The following SIPA1L1 variants were observed in gnomAD, a reference collection of about 807,000 sequenced individuals.
SIPA1L1 encodes signal induced proliferation associated 1 like 1, also known as signal-induced proliferation-associated 1-like protein 1.
In SIPA1L1, 26 loss-of-function variants were observed where a neutral mutation model predicts 162.7. The ratio of observed to expected loss-of-function variants is 0.16; its 90% CI spans 0.12 to 0.22. The LOEUF (loss-of-function observed/expected upper bound fraction) is 0.22, where lower values mean the gene tolerates loss of function less well. Among genes scored for constraint, SIPA1L1 ranks in the 10% least tolerant of loss-of-function variants. The probability of loss-of-function intolerance (pLI) is 1.00; values close to 1 mark genes in which losing one functional copy is unlikely to be tolerated. For synonymous variants in SIPA1L1, 829 were observed against 837.4 expected, an observed-to-expected ratio of 0.99 and a Z score of 0.17; for missense variants, 1,874 against 2,241.0, an observed-to-expected ratio of 0.84 and a Z score of 3.31.
chr14:71,582,167 C>G (rs1487753023), intron 4 of SIPA1L1, among the ~76,000 whole-genome samples: 1 of 151,990 alleles, frequency 6.6e-6, no homozygotes, highest in Non-Finnish European at 1.5e-5. Context: ...TACCCTGTTT[C>G]TACAAAAAAT....
chr14:71,495,478 C>T (rs1317992748), intron 2 of SIPA1L1, among the ~76,000 whole-genome samples: 1 of 150,726 alleles, frequency 6.6e-6, no homozygotes, highest in Non-Finnish European at 1.5e-5. Flanking sequence ...AGTGATGCTC[C>T]CTCATTTATT....
At chr14:71,577,340 C>T (rs887840038) in intron 4 of SIPA1L1, among the ~76,000 whole-genome samples, 1 of 151,710 alleles carries the variant, frequency 6.6e-6, no homozygotes, top group Admixed American at 6.6e-5. Flanking sequence ...TAACCACTAG[C>T]CCAGTATTGA....
intron 2 of SIPA1L1, among the ~76,000 whole-genome samples, chr14:71,496,905 C>T (rs978434004): frequency 6.6e-6 from 1 of 151,832 alleles, no homozygotes; most frequent in African/African-American, 2.4e-5. Flanking sequence ...GGCGCGGTGG[C>T]TCACGCCTGT....
chr14:71,491,890 A>G (rs2049313586), intron 2 of SIPA1L1, among the ~76,000 whole-genome samples: 1 of 151,206 alleles, frequency 6.6e-6, no homozygotes, highest in African/African-American at 2.4e-5. Context: ...GAAGAGAATT[A>G]TGAGAATTTA....
chr14:71,365,323 T>G (rs1050567916), intron 2 of SIPA1L1, among the ~76,000 whole-genome samples: 9 of 152,192 alleles, frequency 5.9e-5, no homozygotes, highest in Admixed American at 5.9e-4. Flanking sequence ...CTGCTGGGCC[T>G]AGAACATCTT....
At chr14:71,430,476 G>A (rs1226993330) in intron 2 of SIPA1L1, among the ~76,000 whole-genome samples, 2 of 152,078 alleles carry the variant, frequency 1.3e-5, no homozygotes, top group African/African-American at 2.4e-5. Context: ...AGTATTCTGA[G>A]CCTCACTCTA....
intron 4 of SIPA1L1, among the ~76,000 whole-genome samples, chr14:71,575,773 G>T (rs1362686803): frequency 6.6e-6 from 1 of 152,088 alleles, no homozygotes; most frequent in Non-Finnish European, 1.5e-5. Flanking sequence ...TAATAGATTT[G>T]CTCCTTTTTA....
chr14:71,585,344 T>A (rs894036082), intron 4 of SIPA1L1, among the ~76,000 whole-genome samples: 1 of 152,174 alleles, frequency 6.6e-6, no homozygotes, highest in African/African-American at 2.4e-5. Context: ...AAGAAAACAT[T>A]GAGTCGTTGT....
intron 9 of SIPA1L1, 103 bp from the exon 10 acceptor site, chr14:71,661,206 AC>A: frequency 5.1e-6 from 6 of 1,174,950 alleles, no homozygotes; most frequent in Admixed American, 2.2e-5. Flanking sequence ...CTTCATGTGT[AC>A]TGATTAGGAA....
chr14:71,648,750 T>C (rs1044037322), intron 7 of SIPA1L1, among the ~76,000 whole-genome samples: 2 of 152,256 alleles, frequency 1.3e-5, no homozygotes, highest in African/African-American at 2.4e-5. Flanking sequence ...TAAATTTGCT[T>C]TCTACCTTTC....
chr14:71,709,623 G>T lies in SIPA1L1; in HGVS notation c.4167G>T (p.Glu1389Asp), dbSNP rs137955494. ...SQAGSTPLTR[E>D]NSTFSINDAA... ...CCGGCTCGACCCCTCTGACAAGGGA[G>T]AACAGCACCTTCAGTATAAACGATG... The change falls in exon 17 of 24, where the codon GAG becomes GAT. Residue 1389 changes from glutamate to aspartate, a missense_variant. Physicochemically the swap from Glu to Asp is conservative, Grantham distance 45. Coordinates refer to ENST00000381232, the MANE Select transcript of SIPA1L1 (RefSeq NM_001386936.1). The T allele has an allele frequency of 8.4e-5, 136 of 1,614,154 alleles. No homozygotes were observed. The African/African-American group carries it at 1.6e-3, about 19-fold the overall frequency.
At chr14:71,585,586 G>C (rs2147460581) in intron 4 of SIPA1L1, among the ~76,000 whole-genome samples, 1 of 152,306 alleles carries the variant, frequency 6.6e-6, no homozygotes, top group South Asian at 2.1e-4. Flanking sequence ...TCCTGGGAAA[G>C]ACAGCTGTGC....
At chr14:71,470,973 G>A (rs1217539058) in intron 2 of SIPA1L1, among the ~76,000 whole-genome samples, 1 of 152,046 alleles carries the variant, frequency 6.6e-6, no homozygotes, top group Admixed American at 6.5e-5. Context: ...GAGTAGCTGG[G>A]ACTACAGGCA....
At chr14:71,495,031 CAG>C (rs1263132817) in intron 2 of SIPA1L1, among the ~76,000 whole-genome samples, 1 of 152,198 alleles carries the variant, frequency 6.6e-6, no homozygotes, top group Non-Finnish European at 1.5e-5. Context: ...TGCACCCAGA[CAG>C]AGGATTTTTT....
rs979753691 is a variant in SIPA1L1, at chr14:71,449,059, C to T, written c.-464-63684C>T. The T allele has an allele frequency of 3.9e-5, 6 of 152,318 alleles. No individual in the cohort carries two copies. In the South Asian group the frequency reaches 1.2e-3, roughly 32 times the overall value. The allele number at this position is 152,318 out of a possible 1,614,324, so 9.4% of individuals were successfully genotyped here. On this transcript the variant is annotated intron_variant, in intron 2 of 23. Transcript: ENST00000381232. ...TTAGGCCTGGAGAATAAAGTCATTA[C>T]TATGAGAGACAGGTGTTTGCTCTTT...
At chr14:71,508,133 C>CTT (rs914413689) in intron 2 of SIPA1L1, among the ~76,000 whole-genome samples, 2 of 152,176 alleles carry the variant, frequency 1.3e-5, no homozygotes, top group African/African-American at 4.8e-5. Context: ...GGCCTCAAAG[C>CTT]TATCAGATCT....
intron 3 of SIPA1L1, among the ~76,000 whole-genome samples, chr14:71,513,889 A>G (rs1268676825): frequency 1.3e-5 from 2 of 152,186 alleles, no homozygotes; most frequent in African/African-American, 4.8e-5. Context: ...ACTCGCAGAT[A>G]GATGTTGATG....
intron 2 of SIPA1L1, among the ~76,000 whole-genome samples, chr14:71,508,076 T>C (rs1337710795): frequency 6.6e-6 from 1 of 152,212 alleles, no homozygotes; most frequent in Non-Finnish European, 1.5e-5. Flanking sequence ...GAATGCCTGT[T>C]TCATGCTGGC....
intron 20 of SIPA1L1, among the ~76,000 whole-genome samples, chr14:71,731,813 C>T (rs1358826775): frequency 1.3e-5 from 2 of 152,202 alleles, no homozygotes; most frequent in African/African-American, 4.8e-5. Context: ...TGAGCCCCTT[C>T]CCTTCACTTT....
Sources: allele counts gnomAD v4.1 joint callset (sites outside exome capture counted in the v4.1 genomes callset), GRCh38; gene constraint gnomAD v4.1.1; transcripts MANE v1.5; gene names NCBI Gene and HGNC (gene_info 2026-07-23, HGNC 2026-07-21).